Variants in SV2C observed in about 807,000 individuals in gnomAD.
The protein encoded by SV2C is solute carrier family 22 member B3.
SV2C carries 49 observed loss-of-function variants against 79.7 expected under a neutral mutation model. The ratio of observed to expected loss-of-function variants is 0.61; its 90% confidence interval spans 0.49 to 0.78. SV2C has a LOEUF of 0.78. Ranked by LOEUF, SV2C falls within the 30% of genes least tolerant of loss-of-function variation. SV2C has a pLI of 0.00. For synonymous variants in SV2C, 334 were observed against 333.2 expected (o/e 1.00, Z -0.03); for missense variants, 833 against 912.9 (o/e 0.91, Z 1.13).
intron 3 of SV2C, among the ~76,000 whole-genome samples, chr5:76,198,260 C>G (rs1486741680): frequency 1.3e-5 from 2 of 152,010 alleles, no homozygotes; most frequent in Non-Finnish European, 2.9e-5. Flanking sequence ...GAGGTGGGGC[C>G]TGATGGGAGG....
chr5:75,970,903 A>G, the SV2C span, among the ~76,000 whole-genome samples: 1 of 152,120 alleles, frequency 6.6e-6, no homozygotes, highest in Non-Finnish European at 1.5e-5. Context: ...ATCCTTGATG[A>G]ACATTGATGC....
At chr5:75,863,991 C>T in the SV2C span, among the ~76,000 whole-genome samples, 1 of 152,074 alleles carries the variant, frequency 6.6e-6, no homozygotes, top group African/African-American at 2.4e-5. Context: ...TTATAACTAG[C>T]CCTGTAACTT....
rs184222214 is a variant in SV2C at position 76,091,264 on chromosome 5, G to T, written c.-102+7752G>T. On this transcript the variant is annotated intron_variant, in intron 1 of 12. Transcript: ENST00000502798. The stretch of plus-strand genomic sequence containing the variant: ...TCCTGTTGGCCACATCCATGTGAAG[G>T]CAGAAATTACAGACTCACAATAGCA... 4.6e-5 allele frequency among the ~76,000 whole-genome samples: 7 copies of T among 152,288 alleles called. No individual in the cohort carries two copies. In the East Asian group the frequency reaches 7.7e-4, roughly 17 times the overall value.
chr5:76,195,148 A>C (rs1263827417), intron 3 of SV2C, 49 bp downstream of exon 3: 1 of 1,579,482 alleles, frequency 6.3e-7, no homozygotes, highest in Non-Finnish European at 8.6e-7. Context: ...ATTCTTCATA[A>C]TTCTCCACTC....
chr5:75,897,184 G>C, the SV2C span, among the ~76,000 whole-genome samples: 3 of 151,014 alleles, frequency 2.0e-5, no homozygotes, highest in Non-Finnish European at 4.4e-5. Context: ...TTTTCTTCTA[G>C]GGTTTTTATG....
At chr5:76,102,048 C>T (rs971207555) in intron 1 of SV2C, among the ~76,000 whole-genome samples, 7 of 152,178 alleles carry the variant, frequency 4.6e-5, no homozygotes, top group African/African-American at 1.7e-4. Flanking sequence ...CTTTGGACTT[C>T]AGTTTTGTCC....
chr5:76,218,325 A>G (rs549947948), intron 4 of SV2C, among the ~76,000 whole-genome samples: 7 of 152,226 alleles, frequency 4.6e-5, no homozygotes, highest in Non-Finnish European at 8.8e-5. Flanking sequence ...TTGCAGCACT[A>G]TTTATAATAG....
the SV2C span, among the ~76,000 whole-genome samples, chr5:75,941,222 C>T: frequency 2.4e-4 from 37 of 152,268 alleles, no homozygotes; most frequent in South Asian, 6.0e-3. Context: ...CATTACTTCT[C>T]GCTCACTTAA....
the SV2C span, among the ~76,000 whole-genome samples, chr5:75,973,316 A>C: frequency 6.6e-6 from 1 of 151,244 alleles, no homozygotes; most frequent in Non-Finnish European, 1.5e-5. Flanking sequence ...CCTAAAACTT[A>C]AAGTATAATA....
intron 4 of SV2C, among the ~76,000 whole-genome samples, chr5:76,215,864 T>G (rs1015591287): frequency 3.9e-5 from 6 of 151,944 alleles, no homozygotes; most frequent in Admixed American, 2.6e-4. Flanking sequence ...CAGAGGCTCG[T>G]GGACAAAGGT....
rs377759961 is a variant in SV2C at position 76,285,769 on chromosome 5, C to G, written c.1048-12C>G. 2 of 1,612,586 alleles carry G rather than the reference C, an allele frequency of 1.2e-6. No homozygotes were observed. The highest frequency in any genetic ancestry group is 1.3e-5 in the African/African-American group (1 of 74,822). On this transcript the variant is annotated splice_polypyrimidine_tract_variant and intron_variant, in intron 5 of 12. Coordinates refer to ENST00000502798, the MANE Select transcript of SV2C (RefSeq NM_014979.4). ...CACTCCTAGCGCTTCACTGTCCACT[C>G]TCATTTCTTAGGTTGGAAAACATGA...
chr5:75,970,937 C>G, the SV2C span, among the ~76,000 whole-genome samples: 3 of 152,084 alleles, frequency 2.0e-5, no homozygotes, highest in Admixed American at 6.6e-5. Flanking sequence ...AAAATACTGG[C>G]AAACCGAATC....
At chr5:76,259,014 A>G (rs1382471660) in intron 4 of SV2C, among the ~76,000 whole-genome samples, 6 of 152,198 alleles carry the variant, frequency 3.9e-5, no homozygotes, top group Non-Finnish European at 7.3e-5. Flanking sequence ...GCATCCCACT[A>G]TATAAACATA....
intron 12 of SV2C, among the ~76,000 whole-genome samples, chr5:76,321,988 GCT>G: frequency 6.6e-6 from 1 of 152,194 alleles, no homozygotes; most frequent in East Asian, 1.9e-4. Flanking sequence ...GTGCTCCCCA[GCT>G]CAGTATTCGG....
intron 4 of SV2C, among the ~76,000 whole-genome samples, chr5:76,212,020 C>T (rs955450337): frequency 3.3e-5 from 5 of 152,102 alleles, no homozygotes; most frequent in Non-Finnish European, 7.4e-5. Context: ...CACTTATGGG[C>T]CAGAGATGCC....
At chr5:75,897,190 T>C in the SV2C span, among the ~76,000 whole-genome samples, 2 of 151,378 alleles carry the variant, frequency 1.3e-5, no homozygotes, top group Non-Finnish European at 2.9e-5. Flanking sequence ...TCTAGGGTTT[T>C]TATGGTTTTA....
At chr5:75,943,017 A>G in the SV2C span, among the ~76,000 whole-genome samples, 2 of 152,144 alleles carry the variant, frequency 1.3e-5, no homozygotes, top group African/African-American at 4.8e-5. Context: ...AAAACAAACA[A>G]ATAAATAAGC....
chr5:75,871,325 A>T, the SV2C span, among the ~76,000 whole-genome samples: 2 of 152,200 alleles, frequency 1.3e-5, no homozygotes, highest in Non-Finnish European at 2.9e-5. Context: ...TGAGAACAAG[A>T]CGTATAACCA....
At chr5:76,048,965 GAGAAAGAA>G in the SV2C span, among the ~76,000 whole-genome samples, 1,189 of 58,168 alleles carry the variant, frequency 0.02, 23 homozygotes, top group African/African-American at 0.03. Flanking sequence ...GAAAGAAAAA[GAGAAAGAA>G]AGAAAGAAAG....
Sources: allele counts gnomAD v4.1 joint callset (sites outside exome capture counted in the v4.1 genomes callset), GRCh38; gene constraint gnomAD v4.1.1; transcripts MANE v1.5; gene names NCBI Gene and HGNC (gene_info 2026-07-23, HGNC 2026-07-21).